The following SYVN1 variants were observed in gnomAD, a reference collection of about 807,000 sequenced individuals.
SYVN1 encodes the protein synoviolin 1.
SYVN1 carries 17 observed loss-of-function variants against 62.6 expected under a neutral mutation model. The ratio of observed to expected loss-of-function variants is 0.27; its 90% CI spans 0.19 to 0.41. The LOEUF is 0.41. SYVN1 is among the 10% of genes least tolerant of loss of function. The pLI, the probability that SYVN1 is intolerant of heterozygous loss-of-function variation, is 1.00. For missense variants in SYVN1, 634 were observed against 818.0 expected (o/e 0.78, Z 2.74); for synonymous variants, 316 against 304.0 (o/e 1.04, Z -0.41).
Position 65,128,726 on chromosome 11 carries a change from A to G in SYVN1, c.1596-12T>C. On this transcript the variant is annotated splice_polypyrimidine_tract_variant and intron_variant, in intron 14 of 15. Coordinates refer to ENST00000377190, the MANE Select transcript of SYVN1 (RefSeq NM_172230.3). ...CAGGCCGGGGGGGCCTGGGAAGAGA[A>G]GGGACGAGAGGCGGGCCTGGCCTTG... 6.3e-7 allele frequency: 1 copy of G among 1,592,156 alleles called. No individual in the cohort carries two copies. The highest frequency in any genetic ancestry group is 8.6e-7 in the Non-Finnish European group (1 of 1,169,304).
Position 65,130,248 on chromosome 11 carries a change from C to T in SYVN1, c.1234+3G>A, listed in dbSNP as rs767582356. 2 of 1,606,628 alleles carry T rather than the reference C, an allele frequency of 1.2e-6. No homozygotes were observed. The highest frequency in any genetic ancestry group is 1.7e-6 in the Non-Finnish European group (2 of 1,176,576). ...CTGGCTGTCACAGTACCCAAAGGCT[C>T]ACCTGCACTGGTGGATGGAGGAGCC... On this transcript the variant is annotated splice_donor_region_variant and intron_variant, in intron 12 of 15. Transcript: ENST00000377190.
At chr11:65,133,379 C>T in intron 2 of SYVN1, 91 bp downstream of exon 2, 1 of 1,586,654 alleles carries the variant, frequency 6.3e-7, no homozygotes, top group Non-Finnish European at 8.6e-7. Context: ...GGCTACTTCC[C>T]TACTTACCTG....
intron 5 of SYVN1, 39 bp downstream of exon 5, chr11:65,132,693 G>A (rs754440457): frequency 4.8e-5 from 78 of 1,609,426 alleles, no homozygotes; most frequent in Admixed American, 6.7e-5. Context: ...CACGGTTCAC[G>A]TTCCAGTCCT....
chr11:65,129,764 C>G lies in SYVN1; in HGVS notation c.1560G>C (p.Gln520His), dbSNP rs1235999722. 9 of 1,614,236 alleles carry G rather than the reference C, an allele frequency of 5.6e-6. No homozygotes were observed. Among genetic ancestry groups the G allele is most frequent in the Non-Finnish European group, 4.2e-6 (5 of 1,180,034 alleles). ...IHTLLDAAML[Q>H]INQYLTVLAS... is the part of the protein sequence containing the mutation. ...CCAGCACGGTGAGGTACTGGTTGAT[C>G]TGCAGCATGGCGGCGTCCAGCAGTG... Residue 520 changes from glutamine to histidine, a missense_variant, in exon 14 of 16, where the codon CAG becomes CAC. Gln to His is a conservative substitution (Grantham distance 24). Around this residue, in one of 2 missense-constraint regions of SYVN1, gnomAD observed 351 missense variants for 373.3 expected, o/e 0.94. Transcript: ENST00000377190.
intron 5 of SYVN1, 175 bp downstream of exon 5, chr11:65,132,557 A>C (rs1310306308): frequency 1.2e-6 from 1 of 861,918 alleles, no homozygotes; most frequent in Non-Finnish European, 1.9e-6. Context: ...GAGAAGGCAA[A>C]GGGCTGAGGG....
Position 65,128,445 on chromosome 11 carries a change from C to T in SYVN1, c.1791G>A (p.Glu597=), listed in dbSNP as rs535498535. Residue 597 remains glutamate (E), a synonymous_variant, in exon 16 of 16, where the codon GAG becomes GAA. Transcript: ENST00000377190. ...VGTEEMPEDG[E]PDAAELRRRR... The stretch of plus-strand genomic sequence containing the variant: ...GCCGGCGGAGCTCTGCTGCATCGGG[C>T]TCTCCATCCTCAGGCATCTCCTCTG... The T allele has an allele frequency of 6.1e-5, 99 of 1,614,164 alleles. 1 individual carries two copies. In the South Asian group the frequency reaches 1.1e-3, roughly 17 times the overall value.
At chr11:65,128,985 T>C (rs1948140180) in intron 14 of SYVN1, 2 of 452,700 alleles carry the variant, frequency 4.4e-6, no homozygotes, top group Non-Finnish European at 7.9e-6. Context: ...CCCTGGGGAG[T>C]CAGGCACCTT....
rs771051056 is a variant in SYVN1 at position 65,128,295 on chromosome 11, CAGAG to C, written c.*83_*86del. On this transcript the variant is annotated 3_prime_UTR_variant, in exon 16 of 16. Transcript: ENST00000377190. ...TGGGGGTACTACTCCCTGGTGCAGACAGAGAGGGAGCTGGCACTTGGTGGCAGGA... is the reference window on the plus strand; with the variant it reads ...TGGGGGTACTACTCCCTGGTGCAGACAGGGAGCTGGCACTTGGTGGCAGGA... The C allele has an allele frequency of 9.0e-7, 1 of 1,116,178 alleles. No homozygotes were observed. The highest frequency in any genetic ancestry group is 1.5e-5 in the African/African-American group (1 of 65,016). The allele number at this position is 1,116,178 out of a possible 1,614,324, so 69.1% of individuals were successfully genotyped here.
Position 65,131,606 on chromosome 11 carries a change from G to C in SYVN1, c.532-10C>G. 1 of 1,612,200 alleles carries C rather than the reference G, an allele frequency of 6.2e-7. No individual in the cohort carries two copies. ...TCATCAGGATGGCATACTGAAGGGA[G>C]AGGGGGACGAGGGGGATGTAAACAC... is the stretch of plus-strand genomic sequence containing the variant. On this transcript the variant is annotated splice_polypyrimidine_tract_variant and intron_variant, in intron 6 of 15. Coordinates refer to ENST00000377190, the MANE Select transcript of SYVN1 (RefSeq NM_172230.3).
chr11:65,132,844 G>C, intron 4 of SYVN1, 64 bp from the exon 5 acceptor site: 1 of 1,612,922 alleles, frequency 6.2e-7, no homozygotes, highest in Non-Finnish European at 8.5e-7. Flanking sequence ...CCTCAACCTA[G>C]CCCTCCCTGC....
chr11:65,130,554 T>A, intron 11 of SYVN1, 106 bp downstream of exon 11: 1 of 1,438,410 alleles, frequency 7.0e-7, no homozygotes, highest in Non-Finnish European at 9.2e-7. Flanking sequence ...TGGCCCAGAC[T>A]GAGATTCTGG....
chr11:65,133,535 A>G lies in SYVN1; in HGVS notation c.67T>C (p.Tyr23His). The change falls in exon 2 of 16, where the codon TAC becomes CAC. Residue 23 changes from tyrosine (Y) to histidine (H), a missense_variant. Physicochemically the swap from Tyr to His is moderately conservative, Grantham distance 83. Coordinates refer to ENST00000377190, the MANE Select transcript of SYVN1 (RefSeq NM_172230.3). ...ALTGAVVAHA[Y>H]YLKHQFYPTV... ...GGGTAGAACTGGTGTTTGAGGTAGT[A>G]GGCGTGAGCCACCACAGCCCCGGTC... 1 of 1,613,530 alleles carries G rather than the reference A, an allele frequency of 6.2e-7. No individual in the cohort carries two copies. The highest frequency in any genetic ancestry group is 8.5e-7 in the Non-Finnish European group (1 of 1,180,018).
At chr11:65,131,988 G>A (rs532543042) in intron 6 of SYVN1, among the ~76,000 whole-genome samples, 1 of 152,234 alleles carries the variant, frequency 6.6e-6, no homozygotes, top group South Asian at 2.1e-4. Flanking sequence ...TCCATTACCA[G>A]CTAGCTCCGG....
intron 1 of SYVN1, 102 bp from the exon 2 acceptor site, chr11:65,133,720 A>T: frequency 5.4e-6 from 5 of 923,802 alleles, no homozygotes; most frequent in Non-Finnish European, 8.0e-6. Context: ...GGGGGAAATC[A>T]CATTTCGCCC....
chr11:65,131,996 C>T (rs916678075), intron 6 of SYVN1, among the ~76,000 whole-genome samples: 2 of 152,148 alleles, frequency 1.3e-5, no homozygotes, highest in Non-Finnish European at 2.9e-5. Flanking sequence ...CAGCTAGCTC[C>T]GGCACGAGCC....
chr11:65,131,099 G>T (rs1231204964), intron 9 of SYVN1, 33 bp downstream of exon 9: 1 of 1,613,956 alleles, frequency 6.2e-7, no homozygotes, highest in East Asian at 2.2e-5. Context: ...CCAGGACCGA[G>T]CTTGGGACAG....
In SYVN1 at chr11:65,132,961, G is replaced by A; in HGVS notation, c.339C>T (p.Leu113=). ...CCTCAGCCAGCCAGTGGAAACATTT[G>A]AGGAAGAGAAGAAGAGTGAAGAGTG... ...FVALFTLLLF[L]KCFHWLAEDR... The change falls in exon 4 of 16, where the codon CTC becomes CTT. Residue 113 remains leucine (L), a synonymous_variant. Coordinates refer to ENST00000377190, the MANE Select transcript of SYVN1 (RefSeq NM_172230.3). 6.2e-7 allele frequency: 1 copy of A among 1,614,186 alleles called. No individual in the cohort carries two copies. Among genetic ancestry groups the A allele is most frequent in the Non-Finnish European group, 8.5e-7 (1 of 1,180,036 alleles).
At chr11:65,128,919 T>A in intron 14 of SYVN1, 1 of 607,244 alleles carries the variant, frequency 1.6e-6, no homozygotes, top group Non-Finnish European at 2.9e-6. Context: ...CCCTTAGCTG[T>A]AAGGTGCTTG....
In SYVN1 at chr11:65,131,334, A is replaced by T. The variant is rs749124044; in HGVS notation, c.698T>A (p.Ile233Asn). The T allele has an allele frequency of 6.2e-7, 1 of 1,614,068 alleles. No homozygotes were observed. Among genetic ancestry groups the T allele is most frequent in the Non-Finnish European group, 8.5e-7 (1 of 1,179,990 alleles). ...TGGGAAGGTGTGCACCTTGATCATGATGGTCATGAAGGCCATGTACAGCAG... is the reference window on the plus strand; with the variant it reads ...TGGGAAGGTGTGCACCTTGATCATGTTGGTCATGAAGGCCATGTACAGCAG... The part of the protein sequence containing the change: ...KVLLYMAFMT[I>N]MIKVHTFPLF... The change falls in exon 8 of 16, where the codon ATC (isoleucine) becomes AAC (asparagine). Residue 233 changes from isoleucine to asparagine, a missense_variant. Physicochemically the swap from Ile to Asn is moderately radical, Grantham distance 149 (BLOSUM62 -3). Around this residue, in one of 2 missense-constraint regions of SYVN1, gnomAD observed 283 missense variants for 444.7 expected, o/e 0.64. Coordinates refer to ENST00000377190, the MANE Select transcript of SYVN1 (RefSeq NM_172230.3).
Sources: allele counts gnomAD v4.1 joint callset (sites outside exome capture counted in the v4.1 genomes callset), GRCh38; gene constraint gnomAD v4.1.1; regional missense constraint gnomAD v4.1.1; transcripts MANE v1.5; gene names NCBI Gene and HGNC (gene_info 2026-07-23, HGNC 2026-07-21).